Variants in NCALD observed in about 807,000 individuals in gnomAD.
The protein encoded by NCALD is neurocalcin-delta.
In NCALD, 10 loss-of-function variants were observed where a neutral mutation model predicts 18.6. That is an observed-to-expected ratio of 0.54 (90% CI 0.33 to 0.91). NCALD has a LOEUF of 0.91. Ranked by LOEUF, NCALD falls within the 40% of genes least tolerant of loss-of-function variation. The probability of loss-of-function intolerance (pLI) is 0.03; values close to 1 mark genes in which losing one functional copy is unlikely to be tolerated. For missense variants in NCALD, 184 were observed against 247.6 expected (o/e 0.74, Z 1.72); for synonymous variants, 88 against 87.4 (o/e 1.01, Z -0.04).
chr8:102,085,054 C>G (rs1225876239), intron 1 of NCALD, among the ~76,000 whole-genome samples: 2 of 152,120 alleles, frequency 1.3e-5, no homozygotes, highest in Admixed American at 1.3e-4. Flanking sequence ...GAGCTATTCC[C>G]CCATTCCTGC....
chr8:101,822,433 C>G (rs1813759406), intron 4 of NCALD, among the ~76,000 whole-genome samples: 1 of 152,134 alleles, frequency 6.6e-6, no homozygotes, highest in Non-Finnish European at 1.5e-5. Flanking sequence ...CATTCCTTCT[C>G]TTCCAGACTC....
chr8:101,948,472 G>C (rs979231327), intron 2 of NCALD, among the ~76,000 whole-genome samples: 10 of 152,180 alleles, frequency 6.6e-5, no homozygotes, highest in African/African-American at 2.4e-4. Flanking sequence ...TGTATCCAAG[G>C]CAAGACACTT....
intron 4 of NCALD, among the ~76,000 whole-genome samples, chr8:101,836,324 C>T (rs916645298): frequency 6.6e-6 from 1 of 152,168 alleles, no homozygotes. Context: ...GAAAAAAGCT[C>T]AATGAAATAA....
At chr8:101,982,751 G>T (rs1820669236) in intron 2 of NCALD, among the ~76,000 whole-genome samples, 1 of 151,260 alleles carries the variant, frequency 6.6e-6, no homozygotes, top group Non-Finnish European at 1.5e-5. Flanking sequence ...TGAGGCAGGA[G>T]AATTGCTTGA....
intron 1 of NCALD, among the ~76,000 whole-genome samples, chr8:102,040,966 G>T (rs1823030771): frequency 1.4e-5 from 1 of 72,532 alleles, no homozygotes; most frequent in African/African-American, 7.0e-5. Flanking sequence ...TTAAGGGGTG[G>T]TTAGGTTACA....
At chr8:101,845,676 A>G (rs1479205505) in intron 4 of NCALD, among the ~76,000 whole-genome samples, 1 of 152,210 alleles carries the variant, frequency 6.6e-6, no homozygotes, top group East Asian at 1.9e-4. Flanking sequence ...TTTGTGTTGG[A>G]ACATTCCAAA....
At chr8:101,889,018 C>A (rs531914830) in intron 3 of NCALD, among the ~76,000 whole-genome samples, 2 of 145,200 alleles carry the variant, frequency 1.4e-5, no homozygotes, top group South Asian at 4.2e-4. Context: ...CCAGGTGGAA[C>A]AATTTTGTTC....
At chr8:102,115,324 T>G (rs1476049909) in intron 1 of NCALD, among the ~76,000 whole-genome samples, 1 of 152,202 alleles carries the variant, frequency 6.6e-6, no homozygotes, top group African/African-American at 2.4e-5. Flanking sequence ...TTTTCTTTCC[T>G]TCCTCTCTTT....
At chr8:101,878,017 A>G (rs1222710933) in intron 4 of NCALD, among the ~76,000 whole-genome samples, 1 of 152,218 alleles carries the variant, frequency 6.6e-6, no homozygotes, top group African/African-American at 2.4e-5. Flanking sequence ...CATAACATCA[A>G]ACTGTTACTA....
At chr8:102,054,448 A>G (rs1366475150) in intron 1 of NCALD, among the ~76,000 whole-genome samples, 1 of 152,158 alleles carries the variant, frequency 6.6e-6, no homozygotes, top group Non-Finnish European at 1.5e-5. Context: ...CTAAATATAT[A>G]AAAATAAATG....
intron 2 of NCALD, among the ~76,000 whole-genome samples, chr8:101,982,636 C>A (rs1563507274): frequency 6.6e-6 from 1 of 151,960 alleles, no homozygotes; most frequent in Non-Finnish European, 1.5e-5. Context: ...GTCAGGAGAT[C>A]GAGACGATCC....
chr8:101,744,122 C>T (rs535092321), intron 1 of NCALD, among the ~76,000 whole-genome samples: 2 of 152,288 alleles, frequency 1.3e-5, no homozygotes, highest in South Asian at 2.1e-4. Context: ...CCTCTGATAG[C>T]CCCTTTCTCC....
chr8:101,746,484 T>C (rs1190257367), intron 1 of NCALD, among the ~76,000 whole-genome samples: 1 of 152,212 alleles, frequency 6.6e-6, no homozygotes, highest in Non-Finnish European at 1.5e-5. Context: ...CATAATTTCA[T>C]GTTCACTTCA....
chr8:101,696,308 G>A (rs1814989322), intron 2 of NCALD, among the ~76,000 whole-genome samples: 1 of 152,180 alleles, frequency 6.6e-6, no homozygotes, highest in African/African-American at 2.4e-5. Flanking sequence ...GCAGACATTA[G>A]TAAAATAAAG....
At chr8:101,783,868 T>C (rs781125961) in intron 1 of NCALD, among the ~76,000 whole-genome samples, 7 of 152,170 alleles carry the variant, frequency 4.6e-5, no homozygotes, top group Non-Finnish European at 1.0e-4. Context: ...GTAACAGAAA[T>C]ATATTTTCCT....
intron 4 of NCALD, among the ~76,000 whole-genome samples, chr8:101,808,527 A>G (rs1813191572): frequency 6.6e-6 from 1 of 152,192 alleles, no homozygotes; most frequent in Non-Finnish European, 1.5e-5. Flanking sequence ...TAATAGCTGC[A>G]AAGAATAAAG....
intron 4 of NCALD, among the ~76,000 whole-genome samples, chr8:101,851,193 T>C (rs779267537): frequency 6.6e-6 from 1 of 152,136 alleles, no homozygotes; most frequent in Non-Finnish European, 1.5e-5. Context: ...AATGCTGAAC[T>C]AGATTATAAG....
intron 1 of NCALD, among the ~76,000 whole-genome samples, chr8:102,079,234 G>A (rs978834354): frequency 1.3e-5 from 2 of 152,210 alleles, no homozygotes; most frequent in African/African-American, 4.8e-5. Flanking sequence ...AAACAGCACT[G>A]AGTACCAACT....
In NCALD at chr8:101,892,668, A is replaced by C. The variant is rs993016562; in HGVS notation, c.-106-5441T>G. ...ATAACCAATACAGAGAAGTGCTTAA[A>C]GGAGCTGATGAAGCTGAAAACCAAG... is the stretch of plus-strand genomic sequence containing the variant. On this transcript the variant is annotated intron_variant, in intron 3 of 6. Coordinates refer to the NCALD transcript ENST00000311028. Among the ~76,000 whole-genome samples, 145 of 150,582 alleles carry C rather than the reference A, an allele frequency of 9.6e-4. 1 individual carries two copies. Among genetic ancestry groups the C allele is most frequent in the Non-Finnish European group, 2.8e-4 (19 of 67,936 alleles).
Sources: allele counts gnomAD v4.1 joint callset (sites outside exome capture counted in the v4.1 genomes callset), GRCh38; gene constraint gnomAD v4.1.1; transcripts MANE v1.5; gene names NCBI Gene and HGNC (gene_info 2026-07-23, HGNC 2026-07-21).